The following SGCD variants were observed in gnomAD, a reference collection of about 807,000 sequenced individuals.
SGCD encodes the protein sarcoglycan delta, also known as delta-sarcoglycan.
In SGCD, 18 loss-of-function variants were observed where a neutral mutation model predicts 36.6. The ratio of observed to expected loss-of-function variants is 0.49; its 90% confidence interval spans 0.34 to 0.73. The LOEUF is 0.73. Ranked by LOEUF, SGCD falls within the 30% of genes least tolerant of loss-of-function variation. The pLI is 0.01. For synonymous variants in SGCD, 133 were observed against 130.6 expected, an observed-to-expected ratio of 1.02 and a Z score of -0.12; for missense variants, 387 against 346.7, an observed-to-expected ratio of 1.12 and a Z score of -0.92.
chr5:156,696,257 T>A (rs1175484967), intron 7 of SGCD, among the ~76,000 whole-genome samples: 4 of 152,156 alleles, frequency 2.6e-5, no homozygotes, highest in Non-Finnish European at 4.4e-5. Context: ...TAGGAACTTT[T>A]CCCATGAATT....
chr5:156,654,209 G>C (rs182601565), intron 7 of SGCD, among the ~76,000 whole-genome samples: 136 of 152,248 alleles, frequency 8.9e-4, no homozygotes, highest in Admixed American at 3.7e-3. Context: ...TTCTTCACAG[G>C]GGAGGGGAGA....
chr5:156,284,250 G>A (rs948757674), intron 3 of SGCD, among the ~76,000 whole-genome samples: 6 of 152,122 alleles, frequency 3.9e-5, no homozygotes, highest in Non-Finnish European at 7.3e-5. Flanking sequence ...GCTACATGGA[G>A]GAGCTGGTAC....
chr5:156,737,874 T>G (rs1756454679), intron 7 of SGCD, among the ~76,000 whole-genome samples: 1 of 152,126 alleles, frequency 6.6e-6, no homozygotes, highest in South Asian at 2.1e-4. Flanking sequence ...TGGGTCCCCA[T>G]CGCGAGTTAG....
At chr5:156,166,911 A>T (rs916132148) in intron 3 of SGCD, among the ~76,000 whole-genome samples, 2 of 152,202 alleles carry the variant, frequency 1.3e-5, no homozygotes, top group East Asian at 3.9e-4. Flanking sequence ...AGACAGCCAC[A>T]CCCCACAGGG....
At chr5:156,380,431 T>C (rs1221173783) in intron 3 of SGCD, among the ~76,000 whole-genome samples, 1 of 152,232 alleles carries the variant, frequency 6.6e-6, no homozygotes, top group Admixed American at 6.5e-5. Flanking sequence ...AGGCAGAATT[T>C]ACAAAAGCTG....
chr5:155,806,736 A>T, the SGCD span, among the ~76,000 whole-genome samples: 1 of 152,200 alleles, frequency 6.6e-6, no homozygotes, highest in African/African-American at 2.4e-5. Flanking sequence ...TGATATAAAT[A>T]CTTTGAATCA....
chr5:156,263,010 T>C (rs1765906383), intron 3 of SGCD, among the ~76,000 whole-genome samples: 1 of 152,104 alleles, frequency 6.6e-6, no homozygotes, highest in Admixed American at 6.6e-5. Flanking sequence ...TATGGGCATT[T>C]TGGATGTTTC....
chr5:156,589,736 T>C (rs72801155), intron 5 of SGCD, among the ~76,000 whole-genome samples: 1,872 of 152,288 alleles, frequency 0.012, 17 homozygotes, highest in Non-Finnish European at 0.02. Context: ...TGAAAGGGAT[T>C]TTTAACTATA....
At chr5:156,635,586 G>A (rs564333873) in intron 6 of SGCD, among the ~76,000 whole-genome samples, 11 of 152,138 alleles carry the variant, frequency 7.2e-5, no homozygotes, top group South Asian at 6.2e-4. Context: ...ACATGCACAC[G>A]TATGTTTATT....
intron 1 of SGCD, among the ~76,000 whole-genome samples, chr5:155,932,172 A>G (rs1313983697): frequency 6.6e-6 from 1 of 152,190 alleles, no homozygotes; most frequent in Non-Finnish European, 1.5e-5. Flanking sequence ...TCCAAGTTGA[A>G]CCAACAGTTG....
intron 3 of SGCD, among the ~76,000 whole-genome samples, chr5:156,435,830 T>C (rs913503594): frequency 1.3e-5 from 2 of 152,210 alleles, no homozygotes; most frequent in Non-Finnish European, 2.9e-5. Context: ...CTCAGGCCTT[T>C]GTAAAATTCT....
chr5:155,750,994 T>C, the SGCD span, among the ~76,000 whole-genome samples: 4 of 152,200 alleles, frequency 2.6e-5, no homozygotes, highest in Non-Finnish European at 5.9e-5. Flanking sequence ...ATGCTTCCTC[T>C]CTGGAATTGC....
intron 7 of SGCD, among the ~76,000 whole-genome samples, chr5:156,725,883 T>C (rs1755748916): frequency 6.6e-6 from 1 of 152,244 alleles, no homozygotes; most frequent in African/African-American, 2.4e-5. Flanking sequence ...TCAACAACTC[T>C]TAATTATCTT....
At chr5:156,268,143 A>C (rs1490279545) in intron 3 of SGCD, among the ~76,000 whole-genome samples, 1 of 152,174 alleles carries the variant, frequency 6.6e-6, no homozygotes, top group African/African-American at 2.4e-5. Context: ...AGCTCCATCC[A>C]TGTTCCTGCA....
At chr5:155,891,062 G>T (rs1320159715) in intron 1 of SGCD, among the ~76,000 whole-genome samples, 1 of 152,150 alleles carries the variant, frequency 6.6e-6, no homozygotes, top group Non-Finnish European at 1.5e-5. Context: ...AATATCCTAG[G>T]GAGGAACATG....
At chr5:156,240,103 G>A (rs1765272015) in intron 3 of SGCD, among the ~76,000 whole-genome samples, 1 of 152,196 alleles carries the variant, frequency 6.6e-6, no homozygotes, top group South Asian at 2.1e-4. Context: ...GTGTGCTAAT[G>A]TGAGCCCAGA....
chr5:155,942,282 CTATG>C lies in SGCD; in HGVS notation c.-282+71865_-282+71868del, dbSNP rs1354461710. 2.7e-5 allele frequency among the ~76,000 whole-genome samples: 4 copies of C among 148,688 alleles called. No homozygotes were observed. In the East Asian group the frequency reaches 6.1e-4, roughly 23 times the overall value. On this transcript the variant is annotated intron_variant, in intron 1 of 9. Coordinates refer to the SGCD transcript ENST00000517913. ...TAGCATTTATCTATCATCTATGTATCTATGTATGTACGCATGTATGTATGTATGT... is the reference window on the plus strand; with the variant it reads ...TAGCATTTATCTATCATCTATGTATCTATGTACGCATGTATGTATGTATGT...
At chr5:156,563,323 G>A (rs1447967612) in intron 4 of SGCD, among the ~76,000 whole-genome samples, 1 of 152,090 alleles carries the variant, frequency 6.6e-6, no homozygotes, top group Non-Finnish European at 1.5e-5. Flanking sequence ...ACTGTGCTAA[G>A]TACCCATCAC....
In SGCD at chr5:156,122,843, TAAAAAAAAAAAAAAAA is replaced by T. The variant is rs33983852; in HGVS notation, c.-207-987_-207-972del. Among the ~76,000 whole-genome samples, 307 of 54,128 alleles carry T rather than the reference TAAAAAAAAAAAAAAAA, an allele frequency of 5.7e-3. 2 individuals are homozygous for T. Among genetic ancestry groups the T allele is most frequent in the Middle Eastern group, 0.018 (2 of 112 alleles). 35.5% of individuals were successfully genotyped at this position (54,128 alleles called of 152,430 possible). Reference sequence around the variant, plus strand: ...ACCAGCATGGTAGTAAAAGATGTGGTAAAAAAAAAAAAAAAAAAAAAAAAAAAAAAAAAAAAAAAAA... The same window carrying T: ...ACCAGCATGGTAGTAAAAGATGTGGTAAAAAAAAAAAAAAAAAAAAAAAAA... On this transcript the variant is annotated intron_variant, in intron 2 of 9. Coordinates refer to the SGCD transcript ENST00000517913.
Sources: gnomAD v4.1 joint callset for allele counts (sites outside exome capture counted in the v4.1 genomes callset) on GRCh38, gnomAD v4.1.1 for gene constraint, MANE v1.5 for transcripts, NCBI Gene and HGNC (gene_info 2026-07-23, HGNC 2026-07-21) for gene names.